Variants in PCP4 observed in about 807,000 individuals in gnomAD.
The protein encoded by PCP4 is calmodulin regulator protein PCP4.
In PCP4, 8 loss-of-function variants were observed where a neutral mutation model predicts 10.0. The ratio of observed to expected loss-of-function variants is 0.80; its 90% CI spans 0.47 to 1.45. PCP4 has a LOEUF of 1.45. PCP4 is among the 40% of genes most tolerant of loss of function. PCP4 has a pLI of 0.00. For missense variants in PCP4, 54 were observed against 74.4 expected (o/e 0.73, Z 1.01); for synonymous variants, 21 against 23.0 (o/e 0.91, Z 0.24).
At chr21:39,900,130 G>T (rs1215611457) in intron 2 of PCP4, among the ~76,000 whole-genome samples, 1 of 152,102 alleles carries the variant, frequency 6.6e-6, no homozygotes, top group African/African-American at 2.4e-5. Context: ...TGCCTCCAGG[G>T]TTCAAGTGAT....
chr21:39,896,591 C>T (rs931769613), intron 1 of PCP4, among the ~76,000 whole-genome samples: 29 of 152,280 alleles, frequency 1.9e-4, no homozygotes, highest in African/African-American at 6.7e-4. Flanking sequence ...GAATGGTATT[C>T]GTAATAAGTG....
At chr21:39,881,781 G>A (rs1181284912) in intron 1 of PCP4, among the ~76,000 whole-genome samples, 1 of 152,160 alleles carries the variant, frequency 6.6e-6, no homozygotes, top group African/African-American at 2.4e-5. Context: ...TGTCTGCATC[G>A]TTGATGGCAG....
intron 1 of PCP4, among the ~76,000 whole-genome samples, chr21:39,878,761 C>T (rs1161506108): frequency 6.6e-6 from 1 of 152,164 alleles, no homozygotes; most frequent in East Asian, 1.9e-4. Context: ...CTTTGTATCT[C>T]AGAGCTTCTA....
chr21:39,910,596 G>A (rs1466231561), intron 2 of PCP4, among the ~76,000 whole-genome samples: 2 of 152,168 alleles, frequency 1.3e-5, no homozygotes, highest in Admixed American at 1.3e-4. Flanking sequence ...TGCTTTGAAG[G>A]TTCCTCCCAG....
intron 2 of PCP4, among the ~76,000 whole-genome samples, chr21:39,917,953 A>G (rs1332464666): frequency 6.6e-6 from 1 of 152,122 alleles, no homozygotes; most frequent in Non-Finnish European, 1.5e-5. Flanking sequence ...GAGGACACAG[A>G]CATTCACAAA....
intron 1 of PCP4, chr21:39,883,722 C>A (rs1338937242): frequency 6.6e-6 from 1 of 152,120 alleles, no homozygotes; most frequent in Non-Finnish European, 1.5e-5. Flanking sequence ...GGAGCAGAAT[C>A]ATTTATTTGT....
intron 1 of PCP4, among the ~76,000 whole-genome samples, chr21:39,885,164 G>T (rs190207702): frequency 5.3e-5 from 8 of 152,172 alleles, no homozygotes; most frequent in Non-Finnish European, 5.9e-5. Flanking sequence ...GAATGGGAAC[G>T]CTTTTGATTC....
At chr21:39,921,476 T>C (rs1295854674) in intron 2 of PCP4, among the ~76,000 whole-genome samples, 1 of 152,208 alleles carries the variant, frequency 6.6e-6, no homozygotes, top group Non-Finnish European at 1.5e-5. Context: ...AAATTCTCTT[T>C]GTAAAATAGG....
chr21:39,922,286 G>A (rs956092123), intron 2 of PCP4, among the ~76,000 whole-genome samples: 2 of 152,130 alleles, frequency 1.3e-5, no homozygotes, highest in African/African-American at 4.8e-5. Context: ...GAGTATATGA[G>A]GGAGGATCTA....
intron 1 of PCP4, among the ~76,000 whole-genome samples, chr21:39,893,095 C>A (rs1241248300): frequency 3.3e-5 from 5 of 152,158 alleles, no homozygotes. Context: ...GAAGAATCCT[C>A]ATAGCAGCTG....
intron 1 of PCP4, among the ~76,000 whole-genome samples, chr21:39,897,166 G>C (rs2299759): frequency 0.055 from 8,343 of 152,070 alleles, 284 homozygotes; most frequent in East Asian, 0.099. Flanking sequence ...GAGGCGGGTG[G>C]ATCATGGGGT....
chr21:39,916,347 C>A (rs549845683), intron 2 of PCP4, among the ~76,000 whole-genome samples: 1 of 152,328 alleles, frequency 6.6e-6, no homozygotes, highest in Admixed American at 6.5e-5. Flanking sequence ...ATATTTCTCT[C>A]CTCCCCTGGC....
At chr21:39,896,165 A>C (rs2146336303) in intron 1 of PCP4, among the ~76,000 whole-genome samples, 1 of 152,340 alleles carries the variant, frequency 6.6e-6, no homozygotes, top group Middle Eastern at 3.4e-3. Flanking sequence ...AAAGTTATTC[A>C]TGACATTTGA....
At chr21:39,901,595 T>A (rs573548433) in intron 2 of PCP4, among the ~76,000 whole-genome samples, 1 of 152,344 alleles carries the variant, frequency 6.6e-6, no homozygotes, top group East Asian at 1.9e-4. Context: ...CAGTGGAAAC[T>A]GAGTGAGGTT....
At chr21:39,917,687 AG>A (rs1480255269) in intron 2 of PCP4, among the ~76,000 whole-genome samples, 1 of 152,192 alleles carries the variant, frequency 6.6e-6, no homozygotes, top group African/African-American at 2.4e-5. Context: ...AGCTGTCCTT[AG>A]TCAAGCTGTT....
At chr21:39,913,570 C>G (rs2087551633) in intron 2 of PCP4, among the ~76,000 whole-genome samples, 1 of 152,228 alleles carries the variant, frequency 6.6e-6, no homozygotes, top group Non-Finnish European at 1.5e-5. Context: ...TATTTCTGCT[C>G]TGCCATTTTC....
chr21:39,914,724 C>T (rs2087560427), intron 2 of PCP4, among the ~76,000 whole-genome samples: 1 of 151,948 alleles, frequency 6.6e-6, no homozygotes, highest in Non-Finnish European at 1.5e-5. Context: ...TAAAAATGTC[C>T]TGTAATTATG....
At chr21:39,891,014 A>G (rs926027753) in intron 1 of PCP4, among the ~76,000 whole-genome samples, 2 of 152,128 alleles carry the variant, frequency 1.3e-5, no homozygotes, top group African/African-American at 2.4e-5. Flanking sequence ...ACAGCTCCTA[A>G]ATGTAGCATA....
chr21:39,875,929 A>G (rs1342344390), intron 1 of PCP4, among the ~76,000 whole-genome samples: 2 of 152,062 alleles, frequency 1.3e-5, no homozygotes, highest in Non-Finnish European at 2.9e-5. Flanking sequence ...GTCTAATTTG[A>G]TGGCTGAGGT....
Sources: allele counts gnomAD v4.1 joint callset (sites outside exome capture counted in the v4.1 genomes callset), GRCh38; gene constraint gnomAD v4.1.1; transcripts MANE v1.5; gene names NCBI Gene and HGNC (gene_info 2026-07-23, HGNC 2026-07-21).